Variants in KCTD8 observed in about 807,000 individuals in gnomAD.
KCTD8 encodes potassium channel tetramerization domain containing 8.
Under a neutral mutation model 31.5 loss-of-function variants are expected in KCTD8, and 27 were observed. The ratio of observed to expected loss-of-function variants is 0.86; its 90% CI spans 0.63 to 1.18. The LOEUF is 1.18. KCTD8 is among the 50% of genes most tolerant of loss of function. The pLI is 0.00. For synonymous variants in KCTD8, 290 were observed against 280.0 expected (o/e 1.04, Z -0.36); for missense variants, 658 against 647.7 (o/e 1.02, Z -0.17).
intron 1 of KCTD8, among the ~76,000 whole-genome samples, chr4:44,227,142 A>G (rs1714987844): frequency 6.6e-6 from 1 of 152,150 alleles, no homozygotes; most frequent in African/African-American, 2.4e-5. Context: ...GGTATTGCCT[A>G]GGTTTTCTTC....
At chr4:44,319,740 T>C in intron 1 of KCTD8, among the ~76,000 whole-genome samples, 1 of 152,210 alleles carries the variant, frequency 6.6e-6, no homozygotes, top group Non-Finnish European at 1.5e-5. Context: ...GGCCAAAAAA[T>C]AGAGTCTGGA....
intron 1 of KCTD8, among the ~76,000 whole-genome samples, chr4:44,276,013 G>A (rs1716738941): frequency 6.6e-6 from 1 of 151,252 alleles, no homozygotes; most frequent in South Asian, 2.1e-4. Context: ...TTTCATGAGA[G>A]TCAGTAAAAA....
intron 1 of KCTD8, among the ~76,000 whole-genome samples, chr4:44,424,817 C>T (rs1158851861): frequency 6.6e-6 from 1 of 151,960 alleles, no homozygotes; most frequent in Non-Finnish European, 1.5e-5. Flanking sequence ...CATTAATAAA[C>T]ACTTTGCTGT....
chr4:44,182,633 C>G (rs1448611921), intron 1 of KCTD8, among the ~76,000 whole-genome samples: 2 of 152,062 alleles, frequency 1.3e-5, no homozygotes, highest in Non-Finnish European at 2.9e-5. Flanking sequence ...CTCAAGTAAC[C>G]AGGGACACAA....
Position 44,448,294 on chromosome 4 carries a change from G to C in KCTD8, c.230C>G (p.Ser77Cys), listed in dbSNP as rs746687835. 1.9e-6 allele frequency: 3 copies of C among 1,608,068 alleles called. No individual in the cohort carries two copies. Among genetic ancestry groups the C allele is most frequent in the East Asian group, 2.2e-5 (1 of 44,678 alleles). Reference sequence around the variant, plus strand: ...GCGCCGGGCGCCGCCACGGGGACTAGAGGGCGAGAACATGCTGGCCAAAGT... The same window carrying C: ...GCGCCGGGCGCCGCCACGGGGACTACAGGGCGAGAACATGCTGGCCAAAGT... ...DSTLASMFSP[S>C]SPRGGARRRG... The change falls in exon 1 of 2, where the codon TCT (serine) becomes TGT (cysteine). Residue 77 changes from serine (S) to cysteine (C), a missense_variant. Transcript: ENST00000360029. This position sits in a 1 kb window ranked among gnomAD's most constrained non-coding sequence, Gnocchi z 4.1.
At chr4:44,243,992 A>G (rs113953889) in intron 1 of KCTD8, among the ~76,000 whole-genome samples, 5,435 of 152,266 alleles carry the variant, frequency 0.036, 155 homozygotes, top group Non-Finnish European at 0.047. Flanking sequence ...AGATGGCTTC[A>G]CTTTACTCCC....
chr4:44,237,716 T>C (rs1000551456), intron 1 of KCTD8, among the ~76,000 whole-genome samples: 2 of 152,174 alleles, frequency 1.3e-5, no homozygotes, highest in African/African-American at 4.8e-5. Flanking sequence ...AGAAATATAG[T>C]CCTCCTGATC....
intron 1 of KCTD8, among the ~76,000 whole-genome samples, chr4:44,269,087 A>T (rs1173120946): frequency 6.6e-6 from 1 of 152,196 alleles, no homozygotes; most frequent in African/African-American, 2.4e-5. Flanking sequence ...TGCCAAGTCA[A>T]TCCTAAGCCA....
Position 44,447,934 on chromosome 4 carries a change from C to T in KCTD8, c.590G>A (p.Gly197Asp). Residue 197 changes from glycine (G) to aspartate (D), a missense_variant, in exon 1 of 2, where the codon GGC (glycine) becomes GAC (aspartate). By Grantham distance (94) the Gly-to-Asp change is moderately conservative. Coordinates refer to ENST00000360029, the MANE Select transcript of KCTD8 (RefSeq NM_198353.3). ...PSGPGAHGGG[G>D]GGGAQDKRSG... ...GCGCTTGTCCTGCGCGCCGCCGCCGCCGCCACCACCGTGCGCTCCCGGGCC... is the reference window on the plus strand; with the variant it reads ...GCGCTTGTCCTGCGCGCCGCCGCCGTCGCCACCACCGTGCGCTCCCGGGCC... 2.1e-6 allele frequency: 3 copies of T among 1,434,550 alleles called. No homozygotes were observed. The highest frequency in any genetic ancestry group is 2.7e-6 in the Non-Finnish European group (3 of 1,094,358). 88.9% of individuals were successfully genotyped at this position (1,434,550 alleles called of 1,614,324 possible).
intron 1 of KCTD8, among the ~76,000 whole-genome samples, chr4:44,284,958 A>G (rs1717021761): frequency 6.6e-6 from 1 of 152,208 alleles, no homozygotes; most frequent in Non-Finnish European, 1.5e-5. Context: ...TGATCATTAA[A>G]AAGTCAGGAA....
chr4:44,319,594 TGGA>T (rs1718235093), intron 1 of KCTD8, among the ~76,000 whole-genome samples: 1 of 152,158 alleles, frequency 6.6e-6, no homozygotes. Flanking sequence ...TGTGTAGCTG[TGGA>T]GATGAGTTGT....
chr4:44,220,935 T>A (rs955704956), intron 1 of KCTD8, among the ~76,000 whole-genome samples: 1 of 152,222 alleles, frequency 6.6e-6, no homozygotes, highest in Admixed American at 6.5e-5. Context: ...GGAATACATG[T>A]GATGAATTTT....
chr4:44,268,917 C>CA (rs1716482983), intron 1 of KCTD8, among the ~76,000 whole-genome samples: 8 of 152,150 alleles, frequency 5.3e-5, no homozygotes, highest in Non-Finnish European at 1.0e-4. Context: ...AAGAACATTC[C>CA]ATGCTCATGG....
chr4:44,375,991 A>G (rs1719906666), intron 1 of KCTD8, among the ~76,000 whole-genome samples: 1 of 151,782 alleles, frequency 6.6e-6, no homozygotes, highest in Non-Finnish European at 1.5e-5. Context: ...TCTTCCCCCT[A>G]CCTCTAAGGG....
chr4:44,323,336 A>G (rs1328416330), intron 1 of KCTD8, among the ~76,000 whole-genome samples: 1 of 151,852 alleles, frequency 6.6e-6, no homozygotes, highest in Non-Finnish European at 1.5e-5. Context: ...TCTTCTAAAA[A>G]TACAAAAATT....
At chr4:44,218,519 T>C (rs1714715849) in intron 1 of KCTD8, among the ~76,000 whole-genome samples, 1 of 151,056 alleles carries the variant, frequency 6.6e-6, no homozygotes, top group Non-Finnish European at 1.5e-5. Flanking sequence ...GTGATGTGCT[T>C]ATTTCACATT....
chr4:44,347,613 T>G (rs1719067782), intron 1 of KCTD8, among the ~76,000 whole-genome samples: 1 of 152,178 alleles, frequency 6.6e-6, no homozygotes, highest in South Asian at 2.1e-4. Flanking sequence ...GAAAGCCCAG[T>G]AAACCATTAA....
At chr4:44,231,611 C>T (rs972126132) in intron 1 of KCTD8, among the ~76,000 whole-genome samples, 2 of 152,094 alleles carry the variant, frequency 1.3e-5, no homozygotes, top group Non-Finnish European at 2.9e-5. Flanking sequence ...ACATTTTCAG[C>T]ACTATGTTAG....
intron 1 of KCTD8, among the ~76,000 whole-genome samples, chr4:44,312,014 C>G (rs922093205): frequency 6.6e-6 from 1 of 151,962 alleles, no homozygotes; most frequent in East Asian, 1.9e-4. Context: ...TTTCCACTTT[C>G]AGTTACAAGT....
Sources: gnomAD v4.1 joint callset for allele counts (sites outside exome capture counted in the v4.1 genomes callset) on GRCh38, gnomAD v4.1.1 for gene constraint, Gnocchi (gnomAD v3.1) non-coding constraint, MANE v1.5 for transcripts, NCBI Gene and HGNC (gene_info 2026-07-23, HGNC 2026-07-21) for gene names.